Variants in LCORL observed in about 807,000 individuals in gnomAD.
LCORL encodes ligand dependent nuclear receptor corepressor like.
A neutral mutation model predicts 141.8 loss-of-function variants in LCORL; 41 were observed. That is an observed-to-expected ratio of 0.29 (90% CI 0.23 to 0.38). The LOEUF is 0.38. LCORL is among the 10% of genes least tolerant of loss of function. The pLI, the probability that LCORL is intolerant of heterozygous loss-of-function variation, is 1.00. For missense variants in LCORL, 1,759 were observed against 2,035.0 expected, an observed-to-expected ratio of 0.86 and a Z score of 2.61; for synonymous variants, 618 against 694.1, an observed-to-expected ratio of 0.89 and a Z score of 1.72.
chr4:17,907,850 T>C (rs923490000), intron 5 of LCORL, among the ~76,000 whole-genome samples: 1 of 152,242 alleles, frequency 6.6e-6, no homozygotes, highest in Non-Finnish European at 1.5e-5. Flanking sequence ...AGTTATCTTT[T>C]GACATTTCTT....
chr4:17,960,217 G>A (rs1481776122), intron 4 of LCORL: 1 of 154,302 alleles, frequency 6.5e-6, no homozygotes, highest in Non-Finnish European at 1.5e-5. Flanking sequence ...AAAAGATGTT[G>A]AAGAAATCCA....
chr4:17,908,941 A>T (rs1159442685), intron 5 of LCORL, among the ~76,000 whole-genome samples, 153 bp downstream of exon 5: 1 of 152,224 alleles, frequency 6.6e-6, no homozygotes, highest in Non-Finnish European at 1.5e-5. Flanking sequence ...AAAAGCTGTA[A>T]ATAGGTACTT....
chr4:17,909,066 T>C (rs894631113), intron 5 of LCORL, 28 bp downstream of exon 5: 1 of 1,542,866 alleles, frequency 6.5e-7, no homozygotes, highest in Non-Finnish European at 8.7e-7. Flanking sequence ...CATCAAATTA[T>C]ATATTAAATG....
chr4:17,976,790 G>A (rs1363769704), intron 1 of LCORL, among the ~76,000 whole-genome samples: 5 of 152,074 alleles, frequency 3.3e-5, no homozygotes, highest in African/African-American at 4.8e-5. Flanking sequence ...TGCTTTCACC[G>A]TCTAGTGGTT....
At chr4:17,970,070 T>C (rs574182053) in intron 2 of LCORL, among the ~76,000 whole-genome samples, 1 of 152,278 alleles carries the variant, frequency 6.6e-6, no homozygotes, top group South Asian at 2.1e-4. Flanking sequence ...CCACTATCAC[T>C]TCCTTAACTT....
At chr4:17,922,090 G>A (rs1014940831) in intron 4 of LCORL, among the ~76,000 whole-genome samples, 2 of 152,008 alleles carry the variant, frequency 1.3e-5, no homozygotes, top group Non-Finnish European at 2.9e-5. Context: ...GCCTATTGTG[G>A]GACTTCAACT....
intron 7 of LCORL, chr4:17,866,915 C>T: frequency 1.3e-6 from 1 of 757,340 alleles, no homozygotes; most frequent in Non-Finnish European, 1.6e-6. Flanking sequence ...AGGAATTTAT[C>T]ATGGTGTGAG....
intron 1 of LCORL, among the ~76,000 whole-genome samples, chr4:18,004,399 G>A (rs1722460252): frequency 6.6e-6 from 1 of 152,140 alleles, no homozygotes; most frequent in South Asian, 2.1e-4. Flanking sequence ...AAGGTGTAAG[G>A]CACATCTCAG....
At chr4:17,876,143 T>G in exon 7 of LCORL, 1 of 1,230,976 alleles carries the variant, frequency 8.1e-7, no homozygotes, top group Non-Finnish European at 1.0e-6. Flanking sequence ...CAGATGAACT[T>G]TCAGTACCTT....
chr4:17,980,541 T>C (rs775702957), intron 1 of LCORL, among the ~76,000 whole-genome samples: 1 of 152,242 alleles, frequency 6.6e-6, no homozygotes, highest in African/African-American at 2.4e-5. Flanking sequence ...ACTTCGAGCT[T>C]AAGCAGCTTT....
At position 17,993,823 on chromosome 4, in the gene LCORL, G is replaced by A. The variant is rs545380381; in HGVS notation, c.155-20938C>T. Among the ~76,000 whole-genome samples, 25 of 152,174 alleles carry A rather than the reference G, an allele frequency of 1.6e-4. 1 individual carries two copies. The South Asian group carries it at 2.3e-3, about 14-fold the overall frequency. On this transcript the variant is annotated intron_variant, in intron 1 of 7. Transcript: ENST00000635767. ...GCTTGCAAAAATACATGAGAGGAAA[G>A]ACAAGAATGTAAATTTAGGTGATGG... is the stretch of plus-strand genomic sequence containing the variant.
Sources: allele counts gnomAD v4.1 joint callset (sites outside exome capture counted in the v4.1 genomes callset), GRCh38; gene constraint gnomAD v4.1.1; transcripts MANE v1.5; gene names NCBI Gene and HGNC (gene_info 2026-07-23, HGNC 2026-07-21).